PLA2G4A: variants seen among roughly 807,000 people sequenced by gnomAD.
PLA2G4A encodes phospholipase A2 group IVA, also known as cytosolic phospholipase A2.
A neutral mutation model predicts 81.9 loss-of-function variants in PLA2G4A; 40 were observed. The observed-to-expected ratio is 0.49, with a 90% CI of 0.38 to 0.64. PLA2G4A has a LOEUF of 0.64. Ranked by LOEUF, PLA2G4A falls within the 30% of genes least tolerant of loss-of-function variation. The pLI is 0.00. For synonymous variants in PLA2G4A, 302 were observed against 296.9 expected, an observed-to-expected ratio of 1.02 and a Z score of -0.18; for missense variants, 715 against 905.1, an observed-to-expected ratio of 0.79 and a Z score of 2.69.
chr1:186,967,012 T>C (rs549731718), intron 15 of PLA2G4A, among the ~76,000 whole-genome samples: 1 of 152,136 alleles, frequency 6.6e-6, no homozygotes, highest in Non-Finnish European at 1.5e-5. Context: ...GATGGAGTTA[T>C]TATTTTGATT....
chr1:186,850,892 A>T (rs955270210), intron 1 of PLA2G4A, among the ~76,000 whole-genome samples: 22 of 150,308 alleles, frequency 1.5e-4, no homozygotes, highest in South Asian at 4.2e-4. Context: ...GCAAATATAT[A>T]AAAAAAACTT....
intron 2 of PLA2G4A, among the ~76,000 whole-genome samples, chr1:186,856,801 A>G (rs974487027): frequency 6.6e-6 from 1 of 151,798 alleles, no homozygotes; most frequent in Non-Finnish European, 1.5e-5. Context: ...AGATGTCAGC[A>G]TAGACCTGAA....
chr1:186,882,427 C>T (rs566847057), intron 3 of PLA2G4A, among the ~76,000 whole-genome samples: 1 of 152,196 alleles, frequency 6.6e-6, no homozygotes, highest in South Asian at 2.1e-4. Context: ...CAAAAGAAAA[C>T]ATAACAACAT....
At chr1:186,956,720 C>T (rs1388557922) in intron 14 of PLA2G4A, among the ~76,000 whole-genome samples, 1 of 151,964 alleles carries the variant, frequency 6.6e-6, no homozygotes, top group East Asian at 1.9e-4. Flanking sequence ...TGCCGTGTTG[C>T]CCAAGCTGGT....
chr1:186,945,121 A>G (rs1158080387), intron 10 of PLA2G4A, among the ~76,000 whole-genome samples: 1 of 152,160 alleles, frequency 6.6e-6, no homozygotes, highest in Non-Finnish European at 1.5e-5. Flanking sequence ...TTTAAAATGG[A>G]CCATCAGCAA....
chr1:186,911,605 GT>G (rs1342653016), intron 7 of PLA2G4A, among the ~76,000 whole-genome samples: 1 of 152,030 alleles, frequency 6.6e-6, no homozygotes, highest in East Asian at 1.9e-4. Context: ...ATAGTTTTTA[GT>G]TTTATTTTTA....
intron 7 of PLA2G4A, among the ~76,000 whole-genome samples, chr1:186,930,764 A>G (rs932158975): frequency 1.3e-5 from 2 of 152,100 alleles, no homozygotes; most frequent in African/African-American, 4.8e-5. Flanking sequence ...TTTTTCCTCA[A>G]TGCCCTTCGT....
chr1:186,903,971 A>G (rs1056205859), intron 5 of PLA2G4A, among the ~76,000 whole-genome samples: 2 of 152,196 alleles, frequency 1.3e-5, no homozygotes, highest in Non-Finnish European at 2.9e-5. Context: ...ATTTTCAGGC[A>G]CTATGCTTGT....
At chr1:186,965,381 A>C (rs369715283) in intron 14 of PLA2G4A, 28 bp from the exon 15 acceptor site, 1 of 1,477,424 alleles carries the variant, frequency 6.8e-7, no homozygotes, top group Non-Finnish European at 9.5e-7. Context: ...CATTTAATTC[A>C]TTCTTGTTTT....
chr1:186,933,089 T>C (rs1655812819), intron 8 of PLA2G4A, among the ~76,000 whole-genome samples, 190 bp downstream of exon 8: 1 of 152,182 alleles, frequency 6.6e-6, no homozygotes, highest in South Asian at 2.1e-4. Context: ...TAATAACTTT[T>C]TGTTGCAAAT....
chr1:186,977,084 CACAAAAAGAAG>C (rs1241420301), intron 15 of PLA2G4A, among the ~76,000 whole-genome samples: 1 of 152,136 alleles, frequency 6.6e-6, no homozygotes, highest in African/African-American at 2.4e-5. Flanking sequence ...AACTTCTGTT[CACAAAAAGAAG>C]ACAAAAAGCT....
chr1:186,919,397 G>A (rs1309741668), intron 7 of PLA2G4A, among the ~76,000 whole-genome samples: 1 of 152,168 alleles, frequency 6.6e-6, no homozygotes, highest in African/African-American at 2.4e-5. Context: ...GCTGTCTGCA[G>A]ATATGAGCTT....
At chr1:186,911,519 G>T in intron 7 of PLA2G4A, 130 bp downstream of exon 7, 1 of 739,384 alleles carries the variant, frequency 1.4e-6, no homozygotes, top group Non-Finnish European at 2.4e-6. Flanking sequence ...TTAAGGTAAG[G>T]TAAGTGATTT....
At chr1:186,872,706 T>A (rs1402185434) in intron 3 of PLA2G4A, among the ~76,000 whole-genome samples, 1 of 152,018 alleles carries the variant, frequency 6.6e-6, no homozygotes, top group Non-Finnish European at 1.5e-5. Flanking sequence ...ATAATTAGAA[T>A]AGGGAAAAAA....
intron 10 of PLA2G4A, among the ~76,000 whole-genome samples, chr1:186,942,671 A>G (rs1292809105): frequency 6.6e-6 from 1 of 152,166 alleles, no homozygotes; most frequent in Non-Finnish European, 1.5e-5. Context: ...GCCATTTTCC[A>G]AGAAAACTTA....
At chr1:186,897,391 T>TTA (rs1224229776) in intron 5 of PLA2G4A, among the ~76,000 whole-genome samples, 1 of 152,214 alleles carries the variant, frequency 6.6e-6, no homozygotes, top group African/African-American at 2.4e-5. Flanking sequence ...TTTCTGAGTC[T>TTA]TATTTTCTTC....
chr1:186,941,041 C>T (rs946117559), intron 10 of PLA2G4A, among the ~76,000 whole-genome samples: 1 of 144,084 alleles, frequency 6.9e-6, no homozygotes, highest in Non-Finnish European at 1.5e-5. Flanking sequence ...ACTCGGGAGA[C>T]AGAGGAGCTT....
intron 5 of PLA2G4A, among the ~76,000 whole-genome samples, chr1:186,894,926 T>A (rs915884818): frequency 6.6e-6 from 1 of 152,218 alleles, no homozygotes; most frequent in African/African-American, 2.4e-5. Flanking sequence ...TGTGTAAGGC[T>A]GGTTACCATA....
intron 2 of PLA2G4A, among the ~76,000 whole-genome samples, chr1:186,860,934 C>T (rs1244361439): frequency 1.3e-5 from 2 of 152,096 alleles, no homozygotes; most frequent in African/African-American, 2.4e-5. Context: ...CCTTGAACAT[C>T]GTAAGTATAG....
Sources: gnomAD v4.1 joint callset for allele counts (sites outside exome capture counted in the v4.1 genomes callset) on GRCh38, gnomAD v4.1.1 for gene constraint, MANE v1.5 for transcripts, NCBI Gene and HGNC (gene_info 2026-07-23, HGNC 2026-07-21) for gene names.